Variants in TEP1 observed in about 807,000 individuals in gnomAD.
TEP1 encodes telomerase protein component 1.
A neutral mutation model predicts 306.3 loss-of-function variants in TEP1; 241 were observed. The ratio of observed to expected loss-of-function variants is 0.79; its 90% CI spans 0.71 to 0.88. The LOEUF is 0.88. TEP1 is among the 40% of genes least tolerant of loss of function. TEP1 has a pLI of 0.00. For missense variants in TEP1, 3,051 were observed against 3,276.1 expected, an observed-to-expected ratio of 0.93 and a Z score of 1.68; for synonymous variants, 1,289 against 1,305.5, an observed-to-expected ratio of 0.99 and a Z score of 0.27.
intron 49 of TEP1, among the ~76,000 whole-genome samples, chr14:20,372,224 C>T (rs1186092944): frequency 6.6e-6 from 1 of 152,186 alleles, no homozygotes; most frequent in African/African-American, 2.4e-5. Context: ...TCCATATCTT[C>T]TGTACATGTT....
chr14:20,368,814 C>G lies in TEP1; in HGVS notation c.7745G>C (p.Arg2582Thr), dbSNP rs147008163. Residue 2582 changes from arginine (R) to threonine (T), a missense_variant, in exon 54 of 55, where the codon AGA (arginine) becomes ACA (threonine). By Grantham distance (71) the Arg-to-Thr change is moderately conservative (BLOSUM62 -1). Coordinates refer to ENST00000262715, the MANE Select transcript of TEP1 (RefSeq NM_007110.5). ...SKDRDVKLWERPSMQLLGLFR... is the reference protein window; with the variant it reads ...SKDRDVKLWETPSMQLLGLFR... ...CACACTTACCAGCTGCATACTGGGT[C>G]TCTCCCATAGCTTAACATCTCTGTC... 1 of 1,612,080 alleles carries G rather than the reference C, an allele frequency of 6.2e-7. No individual in the cohort carries two copies. The highest frequency in any genetic ancestry group is 1.3e-5 in the African/African-American group (1 of 74,624).
chr14:20,400,833 T>C (rs1878650850), intron 9 of TEP1, 151 bp downstream of exon 9: 1 of 926,986 alleles, frequency 1.1e-6, no homozygotes, highest in Non-Finnish European at 1.6e-6. Flanking sequence ...TTTACTTTGG[T>C]GTAGTCAATG....
At chr14:20,400,304 G>A (rs1370656546) in intron 9 of TEP1, among the ~76,000 whole-genome samples, 2 of 151,652 alleles carry the variant, frequency 1.3e-5, no homozygotes, top group African/African-American at 2.4e-5. Flanking sequence ...GTGCGTGTGT[G>A]TGTGTGTGCA....
Position 20,406,399 on chromosome 14 carries a change from C to A in TEP1, c.569G>T (p.Gly190Val). The A allele has an allele frequency of 1.2e-6, 2 of 1,613,896 alleles. No individual in the cohort carries two copies. Among genetic ancestry groups the A allele is most frequent in the Non-Finnish European group, 1.7e-6 (2 of 1,179,960 alleles). ...CTTCTCTTCTGAATCAAACCAACGA[C>A]CCTGGGGTAGTAGTGGCAGTTATGA... Reference protein sequence around the residue: ...ATETAQEATLGRWFDSEEKKG... With the variant: ...ATETAQEATLVRWFDSEEKKG... The change falls in exon 3 of 55, where the codon GGT becomes GTT. Residue 190 changes from glycine (G) to valine (V), a missense_variant and splice_region_variant. By Grantham distance (109) the Gly-to-Val change is moderately radical (BLOSUM62 -3). Coordinates refer to ENST00000262715, the MANE Select transcript of TEP1 (RefSeq NM_007110.5).
chr14:20,404,800 T>G, intron 4 of TEP1, 28 bp from the exon 5 acceptor site: 1 of 1,574,088 alleles, frequency 6.4e-7, no homozygotes, highest in East Asian at 2.3e-5. Flanking sequence ...AGGACTAGAA[T>G]CTCAGTCACT....
At position 20,391,076 on chromosome 14, in the gene TEP1, C is replaced by T. The variant is rs764775354; in HGVS notation, c.2118G>A (p.Leu706=). 5.0e-6 allele frequency: 8 copies of T among 1,614,054 alleles called. No individual in the cohort carries two copies. The South Asian group carries it at 6.6e-5, about 13-fold the overall frequency. ...TCGTGATCATCATCCCAATCAACAGCAGTGCATAGTTCAGCGGGGGCTGAT... is the reference window on the plus strand; with the variant it reads ...TCGTGATCATCATCCCAATCAACAGTAGTGCATAGTTCAGCGGGGGCTGAT... ...NPQGPPLNYA[L]LLIGMMITRA... Residue 706 remains leucine (L), a synonymous_variant, in exon 14 of 55, where the codon CTG becomes CTA. Coordinates refer to ENST00000262715, the MANE Select transcript of TEP1 (RefSeq NM_007110.5).
intron 19 of TEP1, 117 bp from the exon 20 acceptor site, chr14:20,386,312 G>C: frequency 6.3e-7 from 1 of 1,588,136 alleles, no homozygotes; most frequent in Non-Finnish European, 8.6e-7. Flanking sequence ...AAGGTAGGCT[G>C]CTCTTGTTAG....
chr14:20,396,566 C>T, intron 10 of TEP1, 55 bp downstream of exon 10: 1 of 1,491,130 alleles, frequency 6.7e-7, no homozygotes, highest in South Asian at 1.2e-5. Context: ...GCAGTGGCCT[C>T]TCCACGTGCA....
chr14:20,386,998 G>A (rs1020095465), intron 18 of TEP1, among the ~76,000 whole-genome samples: 15 of 151,034 alleles, frequency 9.9e-5, no homozygotes, highest in East Asian at 2.0e-4. Flanking sequence ...AAAATGGCGC[G>A]ATCTCGGCTC....
At chr14:20,407,296 C>T (rs972884414) in intron 2 of TEP1, among the ~76,000 whole-genome samples, 2 of 152,212 alleles carry the variant, frequency 1.3e-5, no homozygotes, top group East Asian at 1.9e-4. Flanking sequence ...GCTATAGTAA[C>T]ATTAAGCTGG....
chr14:20,378,872 G>T lies in TEP1; in HGVS notation c.5253-19C>A, dbSNP rs1317011508. On this transcript the variant is annotated intron_variant, in intron 36 of 54. Transcript: ENST00000262715. ...CAGCACCCTATCCCAGGAAGATGAA[G>T]TCAGTCCTCTGGACCCTGGCCATCA... 2.5e-6 allele frequency: 4 copies of T among 1,614,060 alleles called. No individual in the cohort carries two copies. In the South Asian group the frequency reaches 3.3e-5, roughly 13 times the overall value.
chr14:20,392,561 C>T (rs1877815421), intron 12 of TEP1, among the ~76,000 whole-genome samples: 1 of 152,098 alleles, frequency 6.6e-6, no homozygotes, highest in Non-Finnish European at 1.5e-5. Flanking sequence ...CTTTGGGGTC[C>T]CTGAACCTGG....
Position 20,373,323 on chromosome 14 carries a change from A to G in TEP1, c.6761T>C (p.Leu2254Pro). 6.2e-7 allele frequency: 1 copy of G among 1,614,226 alleles called. No homozygotes were observed. The highest frequency in any genetic ancestry group is 1.1e-5 in the South Asian group (1 of 91,084). Residue 2254 changes from leucine to proline, a missense_variant, in exon 47 of 55, where the codon CTG becomes CCG. Coordinates refer to ENST00000262715, the MANE Select transcript of TEP1 (RefSeq NM_007110.5). ...TACAGAACCATCCTCAGAGGCGGTC[A>G]GCATGAGGCCTGAGGTTTCTGAAAC... The part of the protein sequence containing the change: ...AAVSETSGLM[L>P]TASEDGSVRL...
chr14:20,388,979 C>G (rs1298803208), intron 17 of TEP1, among the ~76,000 whole-genome samples: 1 of 152,102 alleles, frequency 6.6e-6, no homozygotes, highest in African/African-American at 2.4e-5. Flanking sequence ...GAAACCCCGT[C>G]TCTACTAAAA....
Position 20,375,812 on chromosome 14 carries a change from G to T in TEP1, c.6306C>A (p.Phe2102Leu). ...TPKTPVLIHSFPACHRDWVTG... is the reference protein window; with the variant it reads ...TPKTPVLIHSLPACHRDWVTG... ...TGACCCAGTCACGGTGACAGGCAGGGAAGGAGTGGATCAAAACAGGGGTTT... is the reference window on the plus strand; with the variant it reads ...TGACCCAGTCACGGTGACAGGCAGGTAAGGAGTGGATCAAAACAGGGGTTT... The change falls in exon 43 of 55, where the codon TTC becomes TTA. Residue 2102 changes from phenylalanine (F) to leucine (L), a missense_variant. Coordinates refer to ENST00000262715, the MANE Select transcript of TEP1 (RefSeq NM_007110.5). The T allele has an allele frequency of 6.2e-7, 1 of 1,613,652 alleles. No individual in the cohort carries two copies. The highest frequency in any genetic ancestry group is 8.5e-7 in the Non-Finnish European group (1 of 1,179,922).
chr14:20,380,836 A>C (rs578197522), intron 33 of TEP1, 95 bp downstream of exon 33: 2 of 1,049,794 alleles, frequency 1.9e-6, no homozygotes, highest in South Asian at 2.8e-5. Context: ...TTTCCCTGAC[A>C]CCCACACCCC....
rs781437915 is a variant in TEP1 at position 20,378,161 on chromosome 14, G to T, written c.5584C>A (p.Leu1862Met). Residue 1862 changes from leucine to methionine, a missense_variant, in exon 39 of 55, where the codon CTG becomes ATG. Leu to Met is a conservative substitution (Grantham distance 15). This residue lies in a region of TEP1 where 1,540 missense variants were observed against 1,705.9 expected (regional missense o/e 0.90). Coordinates refer to ENST00000262715, the MANE Select transcript of TEP1 (RefSeq NM_007110.5). The part of the protein sequence containing the change: ...VPGGVVAVGR[L>M]DSMVELWAWR... Reference sequence around the variant, plus strand: ...GCCCACAGCTCCACCATACTGTCCAGCCGGCCCACAGCCACAACCCCCCCA... The same window carrying T: ...GCCCACAGCTCCACCATACTGTCCATCCGGCCCACAGCCACAACCCCCCCA... 7.4e-6 allele frequency: 12 copies of T among 1,613,828 alleles called. No individual in the cohort carries two copies. The South Asian group carries it at 1.1e-4, about 15-fold the overall frequency.
intron 36 of TEP1, 59 bp downstream of exon 36, chr14:20,378,922 G>A: frequency 6.2e-7 from 1 of 1,613,652 alleles, no homozygotes; most frequent in Non-Finnish European, 8.5e-7. Context: ...TCCTTCTCCT[G>A]GGGCTTCCAA....
intron 9 of TEP1, 82 bp from the exon 10 acceptor site, chr14:20,396,812 A>T: frequency 5.2e-6 from 5 of 954,382 alleles, no homozygotes; most frequent in Non-Finnish European, 6.3e-6. Flanking sequence ...TCAGCTACCA[A>T]GGAGGCTGAG....
Sources: allele counts gnomAD v4.1 joint callset (sites outside exome capture counted in the v4.1 genomes callset), GRCh38; gene constraint gnomAD v4.1.1; regional missense constraint gnomAD v4.1.1; transcripts MANE v1.5; gene names NCBI Gene and HGNC (gene_info 2026-07-23, HGNC 2026-07-21).